Variants in ENTREP2 observed in about 807,000 individuals in gnomAD.
ENTREP2 encodes endosomal transmembrane epsin interactor 2, also known as protein ENTREP2.
At chr15:29,571,421 C>T in the ENTREP2 span, among the ~76,000 whole-genome samples, 1 of 152,202 alleles carries the variant, frequency 6.6e-6, no homozygotes, top group African/African-American at 2.4e-5. Context: ...AGGGAAATTC[C>T]GAGCGCTGGG....
At chr15:29,244,635 G>A in the ENTREP2 span, among the ~76,000 whole-genome samples, 6 of 152,206 alleles carry the variant, frequency 3.9e-5, no homozygotes, top group Admixed American at 3.9e-4. Context: ...CAGGCCTTGG[G>A]CCTCCGTGAA....
chr15:29,650,017 C>T, the ENTREP2 span, among the ~76,000 whole-genome samples: 1 of 152,018 alleles, frequency 6.6e-6, no homozygotes, highest in African/African-American at 2.4e-5. Context: ...GATGGTGGGA[C>T]ACAGGTCTGA....
At chr15:29,447,670 G>A in the ENTREP2 span, among the ~76,000 whole-genome samples, 14 of 126,760 alleles carry the variant, frequency 1.1e-4, no homozygotes, top group Admixed American at 4.0e-4. Context: ...TTTTTTTTTC[G>A]TAGAGATGGG....
At chr15:29,475,505 G>A in the ENTREP2 span, among the ~76,000 whole-genome samples, 22 of 152,170 alleles carry the variant, frequency 1.4e-4, no homozygotes, top group African/African-American at 4.8e-4. Context: ...GCGGTGGCCC[G>A]AAGCTGACTC....
At chr15:29,601,140 G>A in the ENTREP2 span, among the ~76,000 whole-genome samples, 516 of 148,666 alleles carry the variant, frequency 3.5e-3, 13 homozygotes, top group African/African-American at 0.013. Context: ...CTCGTGATCC[G>A]CCTGCCTCGG....
At chr15:29,245,915 A>T in the ENTREP2 span, among the ~76,000 whole-genome samples, 1 of 152,202 alleles carries the variant, frequency 6.6e-6, no homozygotes, top group Non-Finnish European at 1.5e-5. Flanking sequence ...AGAGCAATTT[A>T]GGAATAAGAT....
the ENTREP2 span, among the ~76,000 whole-genome samples, chr15:29,248,563 A>G: frequency 6.6e-6 from 1 of 152,138 alleles, no homozygotes; most frequent in Non-Finnish European, 1.5e-5. Flanking sequence ...TAAAATATAA[A>G]TGGTGCATAA....
chr15:29,301,250 A>AT, the ENTREP2 span, among the ~76,000 whole-genome samples: 1 of 152,226 alleles, frequency 6.6e-6, no homozygotes, highest in Non-Finnish European at 1.5e-5. Flanking sequence ...GGGTAATTTT[A>AT]TTTAACAGAA....
the ENTREP2 span, among the ~76,000 whole-genome samples, chr15:29,542,583 CG>C: frequency 6.6e-6 from 1 of 152,180 alleles, no homozygotes; most frequent in South Asian, 2.1e-4. Context: ...GGATTACAGG[CG>C]TGAGCCACGG....
the ENTREP2 span, among the ~76,000 whole-genome samples, chr15:29,360,597 T>C: frequency 1.3e-5 from 2 of 152,204 alleles, no homozygotes; most frequent in Non-Finnish European, 2.9e-5. Flanking sequence ...AGTATGTCAC[T>C]GCTCACTGCA....
At chr15:29,224,137 G>A in the ENTREP2 span, among the ~76,000 whole-genome samples, 2 of 152,122 alleles carry the variant, frequency 1.3e-5, no homozygotes, top group African/African-American at 4.8e-5. Context: ...TCCTTCTGGT[G>A]GGTTCGTGGT....
chr15:29,428,255 C>G, the ENTREP2 span, among the ~76,000 whole-genome samples: 1 of 152,186 alleles, frequency 6.6e-6, no homozygotes, highest in Admixed American at 6.5e-5. Context: ...ACTCTATCGC[C>G]CAGGCTGCAG....
chr15:29,403,933 C>T, the ENTREP2 span, among the ~76,000 whole-genome samples: 4 of 152,332 alleles, frequency 2.6e-5, no homozygotes, highest in South Asian at 8.3e-4. Context: ...CTGCCCCTGG[C>T]TGGCCGCTGC....
chr15:29,506,898 C>T, the ENTREP2 span, among the ~76,000 whole-genome samples: 1 of 152,168 alleles, frequency 6.6e-6, no homozygotes, highest in African/African-American at 2.4e-5. Flanking sequence ...CAAATTCCCA[C>T]ATAATAATAT....
chr15:29,503,981 A>C, the ENTREP2 span, among the ~76,000 whole-genome samples: 2 of 152,198 alleles, frequency 1.3e-5, no homozygotes, highest in African/African-American at 4.8e-5. Flanking sequence ...CCTCCACTGG[A>C]GATACCTTTT....
At chr15:29,597,544 G>C in the ENTREP2 span, among the ~76,000 whole-genome samples, 2 of 150,504 alleles carry the variant, frequency 1.3e-5, no homozygotes, top group Non-Finnish European at 2.9e-5. Context: ...CTCTAGCCTG[G>C]GCAACAAGAG....
the ENTREP2 span, among the ~76,000 whole-genome samples, chr15:29,270,224 T>G: frequency 2.2e-4 from 33 of 152,268 alleles, no homozygotes; most frequent in Non-Finnish European, 3.5e-4. Context: ...CCCAGAGGGC[T>G]CTTAGTTTTC....
the ENTREP2 span, among the ~76,000 whole-genome samples, chr15:29,126,045 C>A: frequency 6.6e-6 from 1 of 152,114 alleles, no homozygotes; most frequent in Non-Finnish European, 1.5e-5. Context: ...CCCCTTGAAT[C>A]CTTCCTCCCC....
At chr15:29,326,864 CAAAG>C in the ENTREP2 span, among the ~76,000 whole-genome samples, 2 of 151,830 alleles carry the variant, frequency 1.3e-5, no homozygotes, top group African/African-American at 4.8e-5. Flanking sequence ...AAAGAACAGA[CAAAG>C]AGATCAATTT....
Sources: allele counts gnomAD v4.1 joint callset (sites outside exome capture counted in the v4.1 genomes callset), GRCh38; gene constraint gnomAD v4.1.1; transcripts MANE v1.5; gene names NCBI Gene and HGNC (gene_info 2026-07-23, HGNC 2026-07-21).